KAT6A: variants seen among roughly 807,000 people sequenced by gnomAD.
KAT6A encodes histone acetyltransferase KAT6A.
In KAT6A, 9 loss-of-function variants were observed where a neutral mutation model predicts 198.4. The ratio of observed to expected loss-of-function variants is 0.05; its 90% CI spans 0.03 to 0.08. The LOEUF (loss-of-function observed/expected upper bound fraction) is 0.08, where lower values mean the gene tolerates loss of function less well. Among genes scored for constraint, KAT6A ranks in the 10% least tolerant of loss-of-function variants. The probability of loss-of-function intolerance (pLI) is 1.00; values close to 1 mark genes in which losing one functional copy is unlikely to be tolerated. For missense variants in KAT6A, 2,077 were observed against 2,509.9 expected, an observed-to-expected ratio of 0.83 and a Z score of 3.69; for synonymous variants, 890 against 883.0, an observed-to-expected ratio of 1.01 and a Z score of -0.14.
At chr8:42,005,163 A>T (rs1033126657) in intron 2 of KAT6A, among the ~76,000 whole-genome samples, 9 of 152,184 alleles carry the variant, frequency 5.9e-5, no homozygotes, top group African/African-American at 1.9e-4. Context: ...TTATAAAGCC[A>T]TTATAAATAT....
At chr8:42,009,060 C>T (rs1825883477) in intron 2 of KAT6A, among the ~76,000 whole-genome samples, 1 of 152,302 alleles carries the variant, frequency 6.6e-6, no homozygotes, top group African/African-American at 2.4e-5. Flanking sequence ...TCTCAAATCA[C>T]ATATCATCAT....
chr8:41,995,221 T>TA (rs2150898650), intron 2 of KAT6A, among the ~76,000 whole-genome samples: 1 of 152,286 alleles, frequency 6.6e-6, no homozygotes, highest in African/African-American at 2.4e-5. Flanking sequence ...AAAAGCCATG[T>TA]GTAGTGCAGT....
chr8:41,998,103 T>C (rs1825310327), intron 2 of KAT6A, among the ~76,000 whole-genome samples: 2 of 152,138 alleles, frequency 1.3e-5, no homozygotes, highest in African/African-American at 4.8e-5. Context: ...GTGGGCATTT[T>C]AACATAACAT....
At chr8:42,000,899 C>T (rs1387190414) in intron 2 of KAT6A, among the ~76,000 whole-genome samples, 1 of 152,160 alleles carries the variant, frequency 6.6e-6, no homozygotes, top group Admixed American at 6.6e-5. Context: ...AAGTGACATT[C>T]AAAGTCAGGT....
At chr8:41,957,351 C>A in intron 8 of KAT6A, 1 of 532,436 alleles carries the variant, frequency 1.9e-6, no homozygotes, top group Non-Finnish European at 3.8e-6. Flanking sequence ...ATTTAGAAAT[C>A]AGCAAGGCTC....
In KAT6A at chr8:41,932,247, G is replaced by A. The variant is rs779835230; in HGVS notation, c.5973C>T (p.Gly1991=). 6.2e-6 allele frequency: 10 copies of A among 1,612,934 alleles called. No individual in the cohort carries two copies. The Admixed American group carries it at 8.4e-5, about 13-fold the overall frequency. ...GTCCGTTGAGTGACTGCTTGGGCAC[G>A]CCAGCAGCGTTCATGTAGCTGTGAT... ...PSHHSYMNAA[G]VPKQSLNGPY... is the part of the protein sequence containing the mutation. The change falls in exon 17 of 17, where the codon GGC becomes GGT. Residue 1991 remains glycine, a synonymous_variant. Coordinates refer to ENST00000265713, the MANE Select transcript of KAT6A (RefSeq NM_006766.5).
At chr8:41,978,572 C>T in intron 6 of KAT6A, 70 bp downstream of exon 6, 1 of 1,483,314 alleles carries the variant, frequency 6.7e-7, no homozygotes, top group South Asian at 1.3e-5. Flanking sequence ...ATAGAGAAAA[C>T]AAGTGAATCC....
At position 41,964,102 on chromosome 8, in the gene KAT6A, C is replaced by T. The variant is rs1445549750; in HGVS notation, c.1483-8691G>A. ...TCTCACTGCAATTTATGCATATCTC[C>T]ACAGTAATACTATATCATAAATTAA... On this transcript the variant is annotated intron_variant, in intron 8 of 16. Transcript: ENST00000265713. 2.0e-5 allele frequency among the ~76,000 whole-genome samples: 3 copies of T among 152,126 alleles called. No homozygotes were observed. In the East Asian group the frequency reaches 5.8e-4, roughly 29 times the overall value.
Position 41,959,785 on chromosome 8 carries a change from C to T in KAT6A, c.1483-4374G>A, listed in dbSNP as rs570892414. 2.0e-5 allele frequency among the ~76,000 whole-genome samples: 3 copies of T among 152,162 alleles called. No homozygotes were observed. In the East Asian group the frequency reaches 5.8e-4, roughly 30 times the overall value. On this transcript the variant is annotated intron_variant, in intron 8 of 16. Transcript: ENST00000265713. ...CATCCTGGCCAACGTGGTGAAACCC[C>T]GTCTCTACTAAAAATACAATAATTA...
At chr8:42,007,917 G>A (rs769494317) in intron 2 of KAT6A, among the ~76,000 whole-genome samples, 41 of 137,508 alleles carry the variant, frequency 3.0e-4, no homozygotes, top group Non-Finnish European at 4.9e-4. Flanking sequence ...AGCTGAGATC[G>A]TGCCACTGTA....
At chr8:42,009,093 C>A (rs1206999438) in intron 2 of KAT6A, among the ~76,000 whole-genome samples, 2 of 152,138 alleles carry the variant, frequency 1.3e-5, no homozygotes, top group African/African-American at 2.4e-5. Context: ...ATCACGCTCT[C>A]AAGTTTTAGT....
chr8:41,955,809 T>C (rs1278137075), intron 8 of KAT6A, among the ~76,000 whole-genome samples: 3 of 152,230 alleles, frequency 2.0e-5, no homozygotes, highest in Non-Finnish European at 4.4e-5. Flanking sequence ...CCTACCACAC[T>C]GCCTCCGCTG....
intron 6 of KAT6A, 24 bp from the exon 7 acceptor site, chr8:41,977,351 G>T: frequency 1.3e-6 from 2 of 1,559,334 alleles, no homozygotes; most frequent in South Asian, 2.3e-5. Context: ...CAGGGGAAAG[G>T]GTAAGTATTA....
At chr8:42,033,466 T>C (rs1298756475) in intron 2 of KAT6A, among the ~76,000 whole-genome samples, 3 of 152,204 alleles carry the variant, frequency 2.0e-5, no homozygotes, top group Non-Finnish European at 4.4e-5. Context: ...GTTAGACATG[T>C]GATTTTTAAA....
At chr8:41,953,300 G>C (rs931438029) in intron 9 of KAT6A, among the ~76,000 whole-genome samples, 4 of 152,144 alleles carry the variant, frequency 2.6e-5, no homozygotes, top group Non-Finnish European at 5.9e-5. Flanking sequence ...CAAGGGGCCT[G>C]TGGTTTCCAT....
chr8:42,001,033 G>A (rs566841211), intron 2 of KAT6A, among the ~76,000 whole-genome samples: 2 of 152,242 alleles, frequency 1.3e-5, no homozygotes, highest in East Asian at 3.9e-4. Context: ...GAAGGAGGAG[G>A]AAGGAGGCTT....
intron 5 of KAT6A, among the ~76,000 whole-genome samples, chr8:41,979,081 A>C (rs180689129): frequency 1.9e-4 from 29 of 152,276 alleles, no homozygotes; most frequent in Non-Finnish European, 4.1e-4. Context: ...CAGCCTGGCC[A>C]ACATGGTGAA....
At chr8:42,007,646 C>A (rs1325395238) in intron 2 of KAT6A, among the ~76,000 whole-genome samples, 1 of 152,004 alleles carries the variant, frequency 6.6e-6, no homozygotes, top group African/African-American at 2.4e-5. Flanking sequence ...TCTCCTGGGA[C>A]TAGGACTAGA....
intron 2 of KAT6A, among the ~76,000 whole-genome samples, chr8:41,996,357 G>A (rs973755840): frequency 6.6e-6 from 1 of 152,128 alleles, no homozygotes; most frequent in Non-Finnish European, 1.5e-5. Flanking sequence ...GAGACACACT[G>A]GCATATCCAA....
Sources: allele counts gnomAD v4.1 joint callset (sites outside exome capture counted in the v4.1 genomes callset), GRCh38; gene constraint gnomAD v4.1.1; transcripts MANE v1.5; gene names NCBI Gene and HGNC (gene_info 2026-07-23, HGNC 2026-07-21).